Variants in PCDHA9 observed in about 807,000 individuals in gnomAD.
PCDHA9 encodes protocadherin alpha-9.
Under a neutral mutation model 62.0 loss-of-function variants are expected in PCDHA9, and 62 were observed. The observed-to-expected ratio is 1.00, with a 90% CI of 0.81 to 1.23. PCDHA9 has a LOEUF of 1.23. Among genes scored for constraint, PCDHA9 ranks in the 50% most tolerant of loss-of-function variants. PCDHA9 has a pLI of 0.00. For missense variants in PCDHA9, 1,205 were observed against 1,249.8 expected (o/e 0.96, Z 0.54); for synonymous variants, 557 against 567.6 (o/e 0.98, Z 0.27).
intron 1 of PCDHA9, chr5:140,864,763 A>T (rs976670249): frequency 6.6e-6 from 1 of 152,064 alleles, no homozygotes; most frequent in East Asian, 1.9e-4. Context: ...TTTTTCTTTC[A>T]TTTTTGGTAC....
intron 1 of PCDHA9, among the ~76,000 whole-genome samples, chr5:140,956,166 C>T (rs180917985): frequency 7.2e-5 from 11 of 152,232 alleles, no homozygotes; most frequent in Non-Finnish European, 1.5e-4. Flanking sequence ...TTGCCATAGC[C>T]AGAACTTCCA....
chr5:140,924,527 G>T (rs2081885403), intron 1 of PCDHA9, among the ~76,000 whole-genome samples: 1 of 152,074 alleles, frequency 6.6e-6, no homozygotes. Context: ...AAAAGAGAAT[G>T]CCCGAGCTAC....
chr5:140,910,371 A>G (rs2153514600), intron 1 of PCDHA9, among the ~76,000 whole-genome samples: 1 of 152,246 alleles, frequency 6.6e-6, no homozygotes, highest in South Asian at 2.1e-4. Flanking sequence ...AGCTATGCCC[A>G]CCTTGCCTTT....
At chr5:140,926,754 C>G in intron 1 of PCDHA9, 1 of 1,283,492 alleles carries the variant, frequency 7.8e-7, no homozygotes, top group South Asian at 2.2e-5. Flanking sequence ...TCGGCGGTCG[C>G]TGAGTATCCA....
chr5:140,942,532 A>G (rs1474733493), intron 1 of PCDHA9, among the ~76,000 whole-genome samples: 2 of 152,142 alleles, frequency 1.3e-5, no homozygotes, highest in Non-Finnish European at 2.9e-5. Context: ...CAACTAACTC[A>G]GTATGGTGGG....
chr5:140,921,940 C>T (rs114983283), intron 1 of PCDHA9, among the ~76,000 whole-genome samples: 6,108 of 151,846 alleles, frequency 0.04, 136 homozygotes, highest in Non-Finnish European at 0.052. Context: ...TATAATTTTA[C>T]ACTTGTAAAA....
At chr5:140,882,767 G>GC in intron 1 of PCDHA9, 1 of 1,614,176 alleles carries the variant, frequency 6.2e-7, no homozygotes, top group Non-Finnish European at 8.5e-7. Context: ...AGTAAACTCG[G>GC]CATTGACCTA....
At chr5:140,879,190 C>T (rs2057894732) in intron 1 of PCDHA9, among the ~76,000 whole-genome samples, 1 of 152,052 alleles carries the variant, frequency 6.6e-6, no homozygotes. Context: ...GTAATGGAGA[C>T]TTAAATTATG....
At chr5:140,891,624 T>C (rs1489586112) in intron 1 of PCDHA9, among the ~76,000 whole-genome samples, 1 of 152,188 alleles carries the variant, frequency 6.6e-6, no homozygotes, top group African/African-American at 2.4e-5. Context: ...TTTTAACACC[T>C]TTTGCTCTTT....
rs2150443693 is a variant in PCDHA9, at chr5:140,849,642, G to T, written c.1147G>T (p.Gly383Trp). 2 of 1,598,700 alleles carry T rather than the reference G, an allele frequency of 1.3e-6. No homozygotes were observed. The highest frequency in any genetic ancestry group is 1.7e-6 in the Non-Finnish European group (2 of 1,167,966). Residue 383 changes from glycine (G) to tryptophan (W), a missense_variant, in exon 1 of 4, where the codon GGG (glycine) becomes TGG (tryptophan). Coordinates refer to ENST00000532602, the MANE Select transcript of PCDHA9 (RefSeq NM_031857.2). ...SVIDLDADAN[G>W]QVTCSLTPHV... is the part of the protein sequence containing the mutation. Reference sequence around the variant, plus strand: ...GATCGACCTAGACGCAGATGCCAACGGGCAGGTTACCTGCTCCCTGACGCC... The same window carrying T: ...GATCGACCTAGACGCAGATGCCAACTGGCAGGTTACCTGCTCCCTGACGCC...
chr5:140,884,839 G>T, intron 1 of PCDHA9: 1 of 893,290 alleles, frequency 1.1e-6, no homozygotes, highest in Non-Finnish European at 1.6e-6. Context: ...TTATCCTTCA[G>T]AGTGAAATCT....
At chr5:140,913,797 A>T (rs546197577) in intron 1 of PCDHA9, among the ~76,000 whole-genome samples, 1 of 152,210 alleles carries the variant, frequency 6.6e-6, no homozygotes, top group Admixed American at 6.5e-5. Context: ...ATTTGTTTGA[A>T]TCAAATTTTC....
At chr5:140,947,192 C>G (rs958443362) in intron 1 of PCDHA9, among the ~76,000 whole-genome samples, 27 of 151,038 alleles carry the variant, frequency 1.8e-4, no homozygotes, top group African/African-American at 6.6e-4. Flanking sequence ...GTATACTACA[C>G]AGCCTTAAAA....
chr5:140,999,144 G>A (rs2097848915), intron 3 of PCDHA9, among the ~76,000 whole-genome samples: 1 of 152,200 alleles, frequency 6.6e-6, no homozygotes, highest in Non-Finnish European at 1.5e-5. Context: ...ACAGCCGGAA[G>A]TCTTCAGTCC....
chr5:140,933,359 C>G (rs2089088301), intron 1 of PCDHA9, among the ~76,000 whole-genome samples: 1 of 151,832 alleles, frequency 6.6e-6, no homozygotes, highest in Non-Finnish European at 1.5e-5. Context: ...TATTTCTAAC[C>G]CATCCCAAAT....
intron 1 of PCDHA9, among the ~76,000 whole-genome samples, chr5:140,902,720 C>A (rs371638113): frequency 6.6e-6 from 1 of 152,050 alleles, no homozygotes; most frequent in African/African-American, 2.4e-5. Flanking sequence ...CCCCTCCCAC[C>A]CTTCCCTCCA....
intron 1 of PCDHA9, among the ~76,000 whole-genome samples, chr5:140,939,130 A>T (rs1183803741): frequency 6.6e-6 from 1 of 152,204 alleles, no homozygotes; most frequent in Admixed American, 6.5e-5. Context: ...TGGAAGCTGG[A>T]AAGTTGATGA....
chr5:140,989,242 C>T (rs562894633), intron 3 of PCDHA9, among the ~76,000 whole-genome samples: 5 of 152,226 alleles, frequency 3.3e-5, no homozygotes, highest in African/African-American at 1.2e-4. Flanking sequence ...GTTTTAAGCC[C>T]CTTGTCAAAA....
chr5:140,849,672 G>A lies in PCDHA9; in HGVS notation c.1177G>A (p.Val393Ile). 6.3e-7 allele frequency: 1 copy of A among 1,598,650 alleles called. No homozygotes were observed. Among genetic ancestry groups the A allele is most frequent in the Non-Finnish European group, 8.6e-7 (1 of 1,167,996 alleles). The change falls in exon 1 of 4, where the codon GTC becomes ATC. Residue 393 changes from valine (V) to isoleucine (I), a missense_variant. By Grantham distance (29) the Val-to-Ile change is conservative. Coordinates refer to ENST00000532602, the MANE Select transcript of PCDHA9 (RefSeq NM_031857.2). ...GQVTCSLTPH[V>I]PFKLVSTYKN... Reference sequence around the variant, plus strand: ...GGTTACCTGCTCCCTGACGCCCCACGTCCCCTTCAAGCTGGTGTCCACCTA... The same window carrying A: ...GGTTACCTGCTCCCTGACGCCCCACATCCCCTTCAAGCTGGTGTCCACCTA...
Sources: gnomAD v4.1 joint callset for allele counts (sites outside exome capture counted in the v4.1 genomes callset) on GRCh38, gnomAD v4.1.1 for gene constraint, MANE v1.5 for transcripts, NCBI Gene and HGNC (gene_info 2026-07-23, HGNC 2026-07-21) for gene names.